The following DIABLO variants were observed in gnomAD, a reference collection of about 807,000 sequenced individuals.
DIABLO encodes the protein diablo IAP-binding mitochondrial protein.
A neutral mutation model predicts 31.7 loss-of-function variants in DIABLO; 32 were observed. The observed-to-expected ratio is 1.01, with a 90% CI of 0.76 to 1.35. DIABLO has a LOEUF of 1.35. Among genes scored for constraint, DIABLO ranks in the 40% most tolerant of loss-of-function variants. The pLI is 0.00. For missense variants in DIABLO, 316 were observed against 286.4 expected, an observed-to-expected ratio of 1.10 and a Z score of -0.75; for synonymous variants, 132 against 103.2, an observed-to-expected ratio of 1.28 and a Z score of -1.69.
In DIABLO at chr12:122,208,331, G is replaced by A. The variant is rs1953981640; in HGVS notation, c.*50C>T. ...GCCAACCCTGGGCAGGGTGGCATCT[G>A]CCCCTGCTTTCCCCACTGAGTGGGG... On this transcript the variant is annotated 3_prime_UTR_variant, in exon 6 of 6. Transcript: ENST00000464942. The A allele has an allele frequency of 1.3e-6, 2 of 1,597,608 alleles. No homozygotes were observed. Among genetic ancestry groups the A allele is most frequent in the East Asian group, 2.2e-5 (1 of 44,842 alleles).
At chr12:122,209,372 A>G (rs994956382) in intron 5 of DIABLO, among the ~76,000 whole-genome samples, 18 of 151,920 alleles carry the variant, frequency 1.2e-4, no homozygotes, top group Non-Finnish European at 2.4e-4. Flanking sequence ...AAAAAGAAAA[A>G]AAGAAAAAAG....
chr12:122,224,392 G>A, intron 2 of DIABLO, 120 bp downstream of exon 2: 9 of 1,461,178 alleles, frequency 6.2e-6, no homozygotes, highest in Non-Finnish European at 8.6e-6. Flanking sequence ...TGCCGGTACT[G>A]TGGGGGAAGG....
At chr12:122,210,352 C>T (rs368746548) in intron 5 of DIABLO, among the ~76,000 whole-genome samples, 2 of 147,002 alleles carry the variant, frequency 1.4e-5, no homozygotes, top group African/African-American at 2.5e-5. Flanking sequence ...ACATCAAAAT[C>T]TTCGAATACC....
chr12:122,208,081 C>G lies in DIABLO; in HGVS notation c.*300G>C. The G allele has an allele frequency of 6.6e-6, 4 of 610,462 alleles. No homozygotes were observed. The highest frequency in any genetic ancestry group is 2.1e-5 in the Admixed American group (1 of 47,232). 37.8% of individuals were successfully genotyped at this position (610,462 alleles called of 1,614,324 possible). A position where few individuals can be genotyped will look rare whatever the true frequency, so the allele number is the denominator to read the frequency against. ...AGGGCATGACAAAAAGGACTCCTCT[C>G]TCTGACCCAGGTAGGCAAAATGCTT... On this transcript the variant is annotated 3_prime_UTR_variant, in exon 6 of 6. Transcript: ENST00000464942.
At chr12:122,208,931 A>C in intron 5 of DIABLO, 1 of 375,552 alleles carries the variant, frequency 2.7e-6, no homozygotes, top group Non-Finnish European at 5.1e-6. Context: ...ATCATGAATA[A>C]AATTGTCAAA....
chr12:122,207,993 G>GTT lies in DIABLO; in HGVS notation c.*387_*388insAA. 2.1e-6 allele frequency: 1 copy of GTT among 476,518 alleles called. No individual in the cohort carries two copies. The highest frequency in any genetic ancestry group is 1.5e-5 in the South Asian group (1 of 64,660). 29.5% of individuals were successfully genotyped at this position (476,518 alleles called of 1,614,324 possible). ...ACTGGCATCCCAACAGAGGGAACAA[G>GTT]TACTAAATCATTTTTGACGACGTAA... On this transcript the variant is annotated 3_prime_UTR_variant, in exon 6 of 6. Transcript: ENST00000464942.
intron 2 of DIABLO, among the ~76,000 whole-genome samples, chr12:122,219,019 G>A (rs549478255): frequency 1.0e-4 from 15 of 150,564 alleles, no homozygotes; most frequent in African/African-American, 3.4e-4. Flanking sequence ...CAGATCACGA[G>A]GTCAGGAGAT....
intron 1 of DIABLO, chr12:122,225,690 G>A (rs1954447009): frequency 7.2e-7 from 1 of 1,397,312 alleles, no homozygotes; most frequent in Non-Finnish European, 9.3e-7. Flanking sequence ...GCTGACGAGG[G>A]CTGGTCAGGA....
At chr12:122,223,165 T>G (rs1243010757) in intron 2 of DIABLO, among the ~76,000 whole-genome samples, 1 of 152,102 alleles carries the variant, frequency 6.6e-6, no homozygotes, top group Admixed American at 6.6e-5. Context: ...CCGGGCACGG[T>G]GGCTCAGGCC....
chr12:122,219,657 C>T (rs1249942246), intron 2 of DIABLO, among the ~76,000 whole-genome samples: 2 of 151,682 alleles, frequency 1.3e-5, no homozygotes, highest in Admixed American at 6.6e-5. Context: ...GAGATCGAGA[C>T]CAGCCTGGCC....
intron 3 of DIABLO, chr12:122,217,687 T>TA (rs1436817396): frequency 6.4e-6 from 1 of 156,602 alleles, no homozygotes; most frequent in Non-Finnish European, 1.4e-5. Context: ...TGGCTAAGTT[T>TA]AAAATTTTTT....
rs377015837 is a variant in DIABLO, at chr12:122,208,592, G to C, written c.524-15C>G. On this transcript the variant is annotated splice_polypyrimidine_tract_variant and intron_variant, in intron 5 of 5. Transcript: ENST00000464942. Reference sequence around the variant, plus strand: ...CTGATCTGCGCCTGCCAAAAGATGGGACAATCGGGTTGAGCAGCCGTGCAG... The same window carrying C: ...CTGATCTGCGCCTGCCAAAAGATGGCACAATCGGGTTGAGCAGCCGTGCAG... 2.4e-5 allele frequency: 39 copies of C among 1,610,344 alleles called. No homozygotes were observed. The highest frequency in any genetic ancestry group is 3.3e-5 in the Non-Finnish European group (39 of 1,179,872).
rs578124869 is a variant in DIABLO at position 122,218,647 on chromosome 12, T to C, written c.184-250A>G. Reference sequence around the variant, plus strand: ...AAAAAGCAAATTATTTCTTTACATATAAAATAAATTGTGGCGGGGTACGGT... The same window carrying C: ...AAAAAGCAAATTATTTCTTTACATACAAAATAAATTGTGGCGGGGTACGGT... On this transcript the variant is annotated intron_variant, in intron 2 of 5. Transcript: ENST00000464942. 1.0e-4 allele frequency: 48 copies of C among 477,664 alleles called. 1 individual carries two copies. Among genetic ancestry groups the C allele is most frequent in the South Asian group, 8.9e-4 (43 of 48,190 alleles). 29.6% of individuals were successfully genotyped at this position (477,664 alleles called of 1,614,324 possible).
Position 122,208,186 on chromosome 12 carries a change from G to A in DIABLO, c.*195C>T. 2 of 723,122 alleles carry A rather than the reference G, an allele frequency of 2.8e-6. No homozygotes were observed. The highest frequency in any genetic ancestry group is 4.9e-6 in the Non-Finnish European group (2 of 407,182). The allele number at this position is 723,122 out of a possible 1,614,324, so 44.8% of individuals were successfully genotyped here. On this transcript the variant is annotated 3_prime_UTR_variant, in exon 6 of 6. Coordinates refer to ENST00000464942, the MANE Select transcript of DIABLO (RefSeq NM_001371333.1). Reference sequence around the variant, plus strand: ...GTTAAACAGGGTGCAGTGCCCAAGGGCTAAGAACCAGGTCCAGCGCAAGCC... The same window carrying A: ...GTTAAACAGGGTGCAGTGCCCAAGGACTAAGAACCAGGTCCAGCGCAAGCC...
chr12:122,213,528 G>A (rs1193452824), intron 5 of DIABLO, among the ~76,000 whole-genome samples: 3 of 124,148 alleles, frequency 2.4e-5, no homozygotes, highest in African/African-American at 3.4e-5. Flanking sequence ...AAAAAATTCC[G>A]TTTACAACTT....
intron 5 of DIABLO, chr12:122,209,013 T>C (rs1479062726): frequency 3.0e-6 from 1 of 333,274 alleles, no homozygotes; most frequent in Non-Finnish European, 5.8e-6. Flanking sequence ...TTACTATAAA[T>C]TTATGTAACA....
chr12:122,226,210 C>G, upstream of DIABLO: 4 of 886,158 alleles, frequency 4.5e-6, no homozygotes, highest in Non-Finnish European at 7.2e-6. Flanking sequence ...GCAAGGCAAC[C>G]AACCGCCGGA....
chr12:122,211,131 G>A (rs1478602819), intron 5 of DIABLO, among the ~76,000 whole-genome samples: 4 of 144,014 alleles, frequency 2.8e-5, no homozygotes, highest in African/African-American at 1.0e-4. Flanking sequence ...CGGGCACAGT[G>A]GCTCACGCCT....
intron 3 of DIABLO, 127 bp downstream of exon 3, chr12:122,218,139 A>G: frequency 8.6e-7 from 1 of 1,160,358 alleles, no homozygotes; most frequent in Non-Finnish European, 1.3e-6. Flanking sequence ...GTTATTGACA[A>G]CACATAAACA....
Sources: gnomAD v4.1 joint callset for allele counts (sites outside exome capture counted in the v4.1 genomes callset) on GRCh38, gnomAD v4.1.1 for gene constraint, MANE v1.5 for transcripts, NCBI Gene and HGNC (gene_info 2026-07-23, HGNC 2026-07-21) for gene names.